The following STXBP5L variants were observed in gnomAD, a reference collection of about 807,000 sequenced individuals.
The protein encoded by STXBP5L is syntaxin binding protein 5L, also known as syntaxin-binding protein 5-like.
In STXBP5L, 65 loss-of-function variants were observed where a neutral mutation model predicts 144.5. The ratio of observed to expected loss-of-function variants is 0.45; its 90% CI spans 0.37 to 0.55. The LOEUF is 0.55. STXBP5L is among the 20% of genes least tolerant of loss of function. STXBP5L has a pLI of 0.00. For synonymous variants in STXBP5L, 505 were observed against 469.6 expected, an observed-to-expected ratio of 1.08 and a Z score of -0.97; for missense variants, 1,298 against 1,405.5, an observed-to-expected ratio of 0.92 and a Z score of 1.22.
In STXBP5L at chr3:121,407,298, G is replaced by A; in HGVS notation, c.2643G>A (p.Met881Ile). Residue 881 changes from methionine to isoleucine, a missense_variant, in exon 23 of 27, where the codon ATG becomes ATA. Transcript: ENST00000471454. ...AVLTFSCMDR[M>I]GGLMQPPYEV... ...TAACATTCTCCTGTATGGACCGAAT[G>A]GGTGGATTAATGCAACCGCCATATG... 6.2e-7 allele frequency: 1 copy of A among 1,610,852 alleles called. No homozygotes were observed. The highest frequency in any genetic ancestry group is 8.5e-7 in the Non-Finnish European group (1 of 1,178,478).
chr3:120,923,690 T>G lies in STXBP5L; in HGVS notation c.189+13923T>G, dbSNP rs371852903. Among the ~76,000 whole-genome samples, 7 of 152,300 alleles carry G rather than the reference T, an allele frequency of 4.6e-5. No individual in the cohort carries two copies. In the East Asian group the frequency reaches 1.2e-3, roughly 25 times the overall value. On this transcript the variant is annotated intron_variant, in intron 2 of 26. Transcript: ENST00000471454. ...GATTTTTAGTTTTATTCCATTGTGA[T>G]CATAAAAGATATGTCATATGATTTT... is the stretch of plus-strand genomic sequence containing the variant.
At chr3:121,104,865 A>C (rs1199082197) in intron 5 of STXBP5L, among the ~76,000 whole-genome samples, 1 of 152,146 alleles carries the variant, frequency 6.6e-6, no homozygotes, top group Non-Finnish European at 1.5e-5. Context: ...GATGCGACAA[A>C]AAGAAAGATA....
chr3:121,265,516 G>A (rs1353114424), intron 18 of STXBP5L, among the ~76,000 whole-genome samples: 1 of 152,176 alleles, frequency 6.6e-6, no homozygotes, highest in African/African-American at 2.4e-5. Context: ...ACAAGAGAAA[G>A]CAGGAAAGAT....
rs537667859 is a variant in STXBP5L at position 121,234,637 on chromosome 3, C to G, written c.1184+949C>G. Among the ~76,000 whole-genome samples, 47 of 151,878 alleles carry G rather than the reference C, an allele frequency of 3.1e-4. No individual in the cohort carries two copies. The South Asian group carries it at 9.8e-3, about 32-fold the overall frequency. On this transcript the variant is annotated intron_variant, in intron 12 of 26. Coordinates refer to ENST00000471454, the MANE Select transcript of STXBP5L (RefSeq NM_001308330.2). Reference sequence around the variant, plus strand: ...TGAATAAATCAGTCCAAATTCTACTCTTCAAGTTGTTTGTAAATGTAAGAT... The same window carrying G: ...TGAATAAATCAGTCCAAATTCTACTGTTCAAGTTGTTTGTAAATGTAAGAT...
At chr3:121,004,390 C>A (rs1366939198) in intron 3 of STXBP5L, among the ~76,000 whole-genome samples, 1 of 151,406 alleles carries the variant, frequency 6.6e-6, no homozygotes, top group Admixed American at 6.6e-5. Flanking sequence ...TGATTTTTGC[C>A]CATTGATTTT....
intron 3 of STXBP5L, among the ~76,000 whole-genome samples, chr3:120,977,451 A>T (rs1941196680): frequency 6.6e-6 from 1 of 152,006 alleles, no homozygotes; most frequent in Non-Finnish European, 1.5e-5. Flanking sequence ...TGCACGTGAG[A>T]TGGGTTTCCT....
chr3:121,048,974 G>A (rs188434260), intron 5 of STXBP5L, among the ~76,000 whole-genome samples: 2 of 152,266 alleles, frequency 1.3e-5, no homozygotes, highest in African/African-American at 4.8e-5. Context: ...TCAATCCCAA[G>A]GGCAACAGGA....
Position 121,094,712 on chromosome 3 carries a change from T to G in STXBP5L, c.471-20213T>G, listed in dbSNP as rs970416870. Reference sequence around the variant, plus strand: ...CCTGAATACAACACACTGATGGGTCTTGACTCCTTATCCAATTTGCCAGTC... The same window carrying G: ...CCTGAATACAACACACTGATGGGTCGTGACTCCTTATCCAATTTGCCAGTC... On this transcript the variant is annotated intron_variant, in intron 5 of 26. Transcript: ENST00000471454. Among the ~76,000 whole-genome samples, 3 of 152,250 alleles carry G rather than the reference T, an allele frequency of 2.0e-5. No homozygotes were observed. The East Asian group carries it at 5.8e-4, about 29-fold the overall frequency.
At chr3:121,149,533 AAGT>A (rs2045854755) in intron 7 of STXBP5L, among the ~76,000 whole-genome samples, 1 of 152,068 alleles carries the variant, frequency 6.6e-6, no homozygotes, top group African/African-American at 2.4e-5. Context: ...GAAAAAAATA[AAGT>A]AGTCTCTATT....
chr3:121,273,249 CCTT>C (rs1308710889), intron 18 of STXBP5L, among the ~76,000 whole-genome samples: 1 of 151,446 alleles, frequency 6.6e-6, no homozygotes, highest in Admixed American at 6.6e-5. Context: ...AAGTATCTCT[CCTT>C]CATTTCTGAA....
chr3:121,121,723 T>G lies in STXBP5L; in HGVS notation c.669+19T>G. ...AGGCAAAGTGAGTATTATGATATCT[T>G]TATTATTAGTTTTATTTTCCTCATT... On this transcript the variant is annotated intron_variant, in intron 7 of 26. Coordinates refer to ENST00000471454, the MANE Select transcript of STXBP5L (RefSeq NM_001308330.2). 6.5e-7 allele frequency: 1 copy of G among 1,548,054 alleles called. No homozygotes were observed. Among genetic ancestry groups the G allele is most frequent in the Non-Finnish European group, 8.9e-7 (1 of 1,126,038 alleles).
chr3:121,113,582 A>G (rs1160972826), intron 5 of STXBP5L, among the ~76,000 whole-genome samples: 1 of 152,240 alleles, frequency 6.6e-6, no homozygotes, highest in African/African-American at 2.4e-5. Context: ...AGTTTGGTTC[A>G]AAGAAACAGA....
chr3:121,090,022 T>C (rs893809559), intron 5 of STXBP5L, among the ~76,000 whole-genome samples: 6 of 152,184 alleles, frequency 3.9e-5, no homozygotes, highest in African/African-American at 9.6e-5. Context: ...TTCTTTTAAA[T>C]ATTTGTTAGC....
intron 18 of STXBP5L, among the ~76,000 whole-genome samples, chr3:121,263,214 C>T (rs986788399): frequency 2.0e-5 from 3 of 152,210 alleles, no homozygotes; most frequent in African/African-American, 7.2e-5. Flanking sequence ...TCCAGCAGAC[C>T]TGCAGCAGAG....
intron 9 of STXBP5L, among the ~76,000 whole-genome samples, chr3:121,200,183 A>T (rs375647294): frequency 2.4e-4 from 37 of 152,074 alleles, no homozygotes; most frequent in African/African-American, 8.9e-4. Flanking sequence ...ACATTCCAGG[A>T]TTTAACTTCT....
Position 121,351,009 on chromosome 3 carries a change from C to T in STXBP5L, c.2177-27707C>T, listed in dbSNP as rs190936159. Among the ~76,000 whole-genome samples, 263 of 152,232 alleles carry T rather than the reference C, an allele frequency of 1.7e-3. 1 individual carries two copies. The highest frequency in any genetic ancestry group is 2.8e-3 in the Non-Finnish European group (193 of 68,022). ...TTGTTCCATTGCTGGTGAGGAGCTA[C>T]GTTCCTTTGGAGGAGGAGAGGCGCT... On this transcript the variant is annotated intron_variant, in intron 20 of 26. Transcript: ENST00000471454.
intron 22 of STXBP5L, among the ~76,000 whole-genome samples, chr3:121,392,770 CATATATATAT>C (rs71133531): frequency 0.24 from 26,989 of 112,288 alleles, 3,185 homozygotes; most frequent in East Asian, 0.32. Context: ...TATTTCATGG[CATATATATAT>C]ATATATATAT....
At chr3:121,024,746 C>CATATATATATAT (rs1945804573) in intron 3 of STXBP5L, among the ~76,000 whole-genome samples, 1 of 152,058 alleles carries the variant, frequency 6.6e-6, no homozygotes, top group Non-Finnish European at 1.5e-5. Context: ...ACATCTATTC[C>CATATATATATAT]ATGATATATA....
intron 11 of STXBP5L, among the ~76,000 whole-genome samples, chr3:121,232,895 T>C (rs2049353098): frequency 6.6e-6 from 1 of 152,164 alleles, no homozygotes; most frequent in Admixed American, 6.5e-5. Flanking sequence ...TTCCCTGGTG[T>C]GATACCAGGG....
Sources: allele counts gnomAD v4.1 joint callset (sites outside exome capture counted in the v4.1 genomes callset), GRCh38; gene constraint gnomAD v4.1.1; transcripts MANE v1.5; gene names NCBI Gene and HGNC (gene_info 2026-07-23, HGNC 2026-07-21).